The following PEX1 variants were observed in gnomAD, a reference collection of about 807,000 sequenced individuals.
PEX1 encodes peroxisomal ATPase PEX1.
PEX1 carries 97 observed loss-of-function variants against 152.5 expected under a neutral mutation model. The ratio of observed to expected loss-of-function variants is 0.64; its 90% CI spans 0.54 to 0.75. PEX1 has a LOEUF of 0.75. PEX1 is among the 30% of genes least tolerant of loss of function. PEX1 has a pLI of 0.00. For missense variants in PEX1, 1,357 were observed against 1,516.3 expected, an observed-to-expected ratio of 0.89 and a Z score of 1.74; for synonymous variants, 485 against 531.6, an observed-to-expected ratio of 0.91 and a Z score of 1.21.
Position 92,494,536 on chromosome 7 carries a change from T to C in PEX1, c.2877A>G (p.Arg959=). 1 of 1,614,016 alleles carries C rather than the reference T, an allele frequency of 6.2e-7. No individual in the cohort carries two copies. Among genetic ancestry groups the C allele is most frequent in the South Asian group, 1.1e-5 (1 of 91,086 alleles). Residue 959 remains arginine, a synonymous_variant, in exon 18 of 24, where the codon CGA becomes CGG. Coordinates refer to ENST00000248633, the MANE Select transcript of PEX1 (RefSeq NM_000466.3). ...RGHDNTGVTD[R]VVNQLLTQLD... ...ACTGAGTCAGCAACTGGTTAACTACTCGGTCTGTAACTCCTGTATTATCAT... is the reference window on the plus strand; with the variant it reads ...ACTGAGTCAGCAACTGGTTAACTACCCGGTCTGTAACTCCTGTATTATCAT...
chr7:92,497,802 G>A, intron 16 of PEX1, among the ~76,000 whole-genome samples: 1 of 152,164 alleles, frequency 6.6e-6, no homozygotes, highest in East Asian at 1.9e-4. Context: ...GGGCACGGTG[G>A]TTCTCGCCTG....
At position 92,494,289 on chromosome 7, in the gene PEX1, T is replaced by G. The variant is rs1416132590; in HGVS notation, c.3030+4A>C. The G allele has an allele frequency of 6.2e-7, 1 of 1,604,798 alleles. No individual in the cohort carries two copies. The highest frequency in any genetic ancestry group is 8.5e-7 in the Non-Finnish European group (1 of 1,172,354). On this transcript the variant is annotated splice_donor_region_variant and intron_variant, in intron 19 of 23. Transcript: ENST00000248633. Reference sequence around the variant, plus strand: ...GTTTTGGACTCTAAATATGAAATTGTCACCTGATCAGGAGGAGGACAGTAT... The same window carrying G: ...GTTTTGGACTCTAAATATGAAATTGGCACCTGATCAGGAGGAGGACAGTAT...
At chr7:92,490,195 A>G (rs942429229) in intron 21 of PEX1, 7 of 399,686 alleles carry the variant, frequency 1.8e-5, no homozygotes, top group Admixed American at 8.3e-5. Flanking sequence ...GCCCAAGGAC[A>G]GGTTTCTTCA....
chr7:92,504,658 T>C (rs1585235067), intron 12 of PEX1, 74 bp downstream of exon 12: 1 of 1,372,234 alleles, frequency 7.3e-7, no homozygotes, highest in African/African-American at 1.4e-5. Flanking sequence ...CTGAAGAGAG[T>C]AGATTTATTG....
intron 21 of PEX1, 92 bp from the exon 22 acceptor site, chr7:92,490,003 G>A (rs1791202131): frequency 6.1e-6 from 6 of 989,248 alleles, no homozygotes; most frequent in Non-Finnish European, 9.4e-6. Flanking sequence ...AACATTTTAA[G>A]CAATAAAACA....
At chr7:92,516,070 G>GAGAAGAGAA (rs1585252232) in intron 5 of PEX1, among the ~76,000 whole-genome samples, 1 of 121,486 alleles carries the variant, frequency 8.2e-6, no homozygotes, top group Non-Finnish European at 1.8e-5. Flanking sequence ...GAAAAGAAAA[G>GAGAAGAGAA]AAAAGAAAAG....
At chr7:92,498,969 CAA>C (rs1231335303) in intron 16 of PEX1, among the ~76,000 whole-genome samples, 4 of 152,186 alleles carry the variant, frequency 2.6e-5, no homozygotes, top group African/African-American at 4.8e-5. Flanking sequence ...ATAAGCCCTA[CAA>C]GAGAGAGGTG....
chr7:92,505,157 T>C (rs1210548132), intron 11 of PEX1, among the ~76,000 whole-genome samples: 8 of 152,104 alleles, frequency 5.3e-5, no homozygotes, highest in African/African-American at 1.9e-4. Flanking sequence ...ATGCTAGTAA[T>C]CCCAGCACTT....
At chr7:92,505,657 TC>T (rs1792154973) in intron 11 of PEX1, among the ~76,000 whole-genome samples, 1 of 152,188 alleles carries the variant, frequency 6.6e-6, no homozygotes, top group Non-Finnish European at 1.5e-5. Flanking sequence ...GCTTCAAACT[TC>T]CTGGTGAGTT....
At chr7:92,503,582 T>A (rs974345900) in intron 12 of PEX1, among the ~76,000 whole-genome samples, 2 of 152,230 alleles carry the variant, frequency 1.3e-5, no homozygotes, top group African/African-American at 4.8e-5. Context: ...CATATTCCTA[T>A]GACTTCCAGA....
intron 8 of PEX1, among the ~76,000 whole-genome samples, chr7:92,509,820 A>T (rs1015188328): frequency 1.3e-5 from 2 of 152,168 alleles, no homozygotes; most frequent in Non-Finnish European, 2.9e-5. Flanking sequence ...GACAAGAATG[A>T]ATGTCCTAAT....
intron 5 of PEX1, 73 bp downstream of exon 5, chr7:92,517,203 A>T: frequency 8.8e-7 from 1 of 1,133,524 alleles, no homozygotes. Context: ...TATATGAAAT[A>T]CTATTCTAAT....
intron 3 of PEX1, 160 bp downstream of exon 3, chr7:92,518,835 G>A: frequency 1.5e-6 from 1 of 656,968 alleles, no homozygotes; most frequent in Non-Finnish European, 2.7e-6. Flanking sequence ...CTCCCAAAGT[G>A]CTGGGACTAT....
In PEX1 at chr7:92,517,363, T is replaced by A. The variant is rs776933950; in HGVS notation, c.1152A>T (p.Leu384=). Residue 384 remains leucine (L), a synonymous_variant, in exon 5 of 24, where the codon CTA becomes CTT. Coordinates refer to ENST00000248633, the MANE Select transcript of PEX1 (RefSeq NM_000466.3). ...CTTCAAGTCCATTCCAGACTACTTG[T>A]AGCACACAGGCCTTCTCATCTTCTT... ...HNEEDEKACV[L]QVVWNGLEEL... The A allele has an allele frequency of 3.1e-6, 5 of 1,613,598 alleles. No homozygotes were observed. Among genetic ancestry groups the A allele is most frequent in the Non-Finnish European group, 3.4e-6 (4 of 1,179,686 alleles).
In PEX1 at chr7:92,528,466, C is replaced by T; in HGVS notation, c.-31G>A. 1.3e-6 allele frequency: 2 copies of T among 1,553,076 alleles called. No individual in the cohort carries two copies. Among genetic ancestry groups the T allele is most frequent in the Non-Finnish European group, 1.7e-6 (2 of 1,150,774 alleles). ...CGGAGCGTCGCTCTGGGTTCGCCCA[C>T]CCTAGCGCCGCAAAGGACCCGGGAC... On this transcript the variant is annotated 5_prime_UTR_variant, in exon 1 of 24. The change creates a new upstream start codon in the 5' untranslated region. Coordinates refer to ENST00000248633, the MANE Select transcript of PEX1 (RefSeq NM_000466.3).
rs1020239236 is a variant in PEX1, at chr7:92,501,433, C to A, written c.2583+74G>T. The A allele has an allele frequency of 2.8e-5, 34 of 1,235,734 alleles. No homozygotes were observed. The African/African-American group carries it at 3.1e-4, about 11-fold the overall frequency. 76.5% of individuals were successfully genotyped at this position (1,235,734 alleles called of 1,614,324 possible). ...CTCACACGGAGATTGGGCAAGCTGA[C>A]ACATAAAGCCAAAGCCAATAATACA... On this transcript the variant is annotated intron_variant, in intron 15 of 23. Transcript: ENST00000248633.
At chr7:92,510,790 T>G in intron 8 of PEX1, 154 bp downstream of exon 8, 1 of 540,590 alleles carries the variant, frequency 1.8e-6, no homozygotes, top group Non-Finnish European at 3.3e-6. Context: ...TTAAAGAGAT[T>G]ACAGAATAAA....
intron 17 of PEX1, among the ~76,000 whole-genome samples, chr7:92,496,474 G>A (rs1026801220): frequency 2.6e-5 from 4 of 152,064 alleles, no homozygotes; most frequent in Admixed American, 6.5e-5. Context: ...TAACCACTTC[G>A]ATTCCACTTT....
chr7:92,493,025 A>G lies in PEX1; in HGVS notation c.3135T>C (p.Ala1045=). 1 of 1,613,518 alleles carries G rather than the reference A, an allele frequency of 6.2e-7. No individual in the cohort carries two copies. Among genetic ancestry groups the G allele is most frequent in the Non-Finnish European group, 8.5e-7 (1 of 1,179,458 alleles). ...CATTGTAAAGTAAAGCTTTCAGATC[A>G]GCTCCAGTAAAGGAGTCAGTTACTG... ...VASVTDSFTG[A]DLKALLYNAQ... is the part of the protein sequence containing the mutation. The change falls in exon 20 of 24, where the codon GCT becomes GCC. Residue 1045 remains alanine (A), a synonymous_variant. Coordinates refer to ENST00000248633, the MANE Select transcript of PEX1 (RefSeq NM_000466.3).
Sources: allele counts gnomAD v4.1 joint callset (sites outside exome capture counted in the v4.1 genomes callset), GRCh38; gene constraint gnomAD v4.1.1; transcripts MANE v1.5; gene names NCBI Gene and HGNC (gene_info 2026-07-23, HGNC 2026-07-21).